Variants in EBF1 observed in about 807,000 individuals in gnomAD.
EBF1 encodes transcription factor COE1.
Under a neutral mutation model 68.4 loss-of-function variants are expected in EBF1, and 10 were observed. The ratio of observed to expected loss-of-function variants is 0.15; its 90% CI spans 0.09 to 0.25. The LOEUF is 0.25. EBF1 is among the 10% of genes least tolerant of loss of function. The pLI is 1.00. For synonymous variants in EBF1, 298 were observed against 299.8 expected (o/e 0.99, Z 0.06); for missense variants, 509 against 794.4 (o/e 0.64, Z 4.32).
intron 6 of EBF1, among the ~76,000 whole-genome samples, chr5:158,842,346 G>A (rs1285677548): frequency 6.6e-6 from 1 of 152,156 alleles, no homozygotes; most frequent in East Asian, 1.9e-4. Flanking sequence ...TATATCCATA[G>A]ACACTGAAGA....
intron 6 of EBF1, among the ~76,000 whole-genome samples, chr5:158,887,857 G>A (rs1029248134): frequency 1.3e-5 from 2 of 152,146 alleles, no homozygotes; most frequent in African/African-American, 2.4e-5. Context: ...TTCAAAGAGT[G>A]GGGGGAAAAG....
intron 6 of EBF1, among the ~76,000 whole-genome samples, chr5:159,017,008 C>T (rs112155416): frequency 5.3e-5 from 8 of 152,242 alleles, no homozygotes; most frequent in African/African-American, 1.2e-4. Context: ...GTTCTGATTG[C>T]CACATTTTAA....
intron 6 of EBF1, among the ~76,000 whole-genome samples, chr5:158,905,363 T>C (rs1266581109): frequency 1.3e-5 from 2 of 152,146 alleles, no homozygotes; most frequent in African/African-American, 4.8e-5. Flanking sequence ...ATTGGGAAAT[T>C]AAAGGGCCTT....
intron 6 of EBF1, among the ~76,000 whole-genome samples, chr5:158,868,674 A>C (rs111294500): frequency 6.6e-6 from 1 of 152,222 alleles, no homozygotes. Context: ...GGTGTGCAAC[A>C]GTACAGACTA....
chr5:159,047,127 G>A (rs1200171212), intron 6 of EBF1, among the ~76,000 whole-genome samples: 1 of 152,218 alleles, frequency 6.6e-6, no homozygotes, highest in Non-Finnish European at 1.5e-5. Flanking sequence ...GCTGCATGGG[G>A]CTTAGAGCAT....
intron 5 of EBF1, 171 bp from the exon 6 acceptor site, chr5:159,073,635 T>TTAATGG: frequency 3.0e-6 from 2 of 667,016 alleles, no homozygotes; most frequent in Non-Finnish European, 5.2e-6. Flanking sequence ...CACCTATGGG[T>TTAATGG]TAATGGCCAG....
At chr5:158,916,135 C>T (rs1355303057) in intron 6 of EBF1, among the ~76,000 whole-genome samples, 2 of 152,156 alleles carry the variant, frequency 1.3e-5, no homozygotes, top group African/African-American at 2.4e-5. Context: ...TCTTAATCCT[C>T]CTGAACCTAC....
intron 6 of EBF1, among the ~76,000 whole-genome samples, chr5:159,015,261 C>A (rs1481038034): frequency 5.3e-5 from 8 of 152,116 alleles, no homozygotes; most frequent in Non-Finnish European, 1.5e-5. Context: ...TATCATAAAC[C>A]CTCAATGTCA....
chr5:158,865,772 T>G (rs1795764487), intron 6 of EBF1, among the ~76,000 whole-genome samples: 1 of 152,122 alleles, frequency 6.6e-6, no homozygotes, highest in East Asian at 1.9e-4. Flanking sequence ...AATAAAGAAC[T>G]AAACCATAAA....
intron 10 of EBF1, among the ~76,000 whole-genome samples, chr5:158,768,612 A>G (rs1369863337): frequency 3.3e-5 from 5 of 152,238 alleles, no homozygotes; most frequent in Non-Finnish European, 4.4e-5. Context: ...AGAATGAAAA[A>G]CAAAAGTGAA....
At chr5:158,937,088 C>T (rs1377745912) in intron 6 of EBF1, among the ~76,000 whole-genome samples, 4 of 151,258 alleles carry the variant, frequency 2.6e-5, no homozygotes, top group African/African-American at 9.7e-5. Flanking sequence ...CATGCTTCCT[C>T]TGCCCTCAAT....
chr5:158,902,071 C>T (rs943409517), intron 6 of EBF1, among the ~76,000 whole-genome samples: 6 of 152,038 alleles, frequency 3.9e-5, no homozygotes, highest in Non-Finnish European at 7.4e-5. Flanking sequence ...AGCCTGGGCA[C>T]GACAGAGCAA....
chr5:158,696,468 C>T lies in EBF1; in HGVS notation c.*2643G>A, dbSNP rs767000107. On this transcript the variant is annotated 3_prime_UTR_variant, in exon 16 of 16. Transcript: ENST00000313708. ...CTGTTGTCAAGGTCTAAGCCGGACA[C>T]CTTCCCGGCTGACCGTTCATTCCTT... 1.8e-5 allele frequency: 4 copies of T among 222,958 alleles called. No individual in the cohort carries two copies. The highest frequency in any genetic ancestry group is 3.6e-5 in the Non-Finnish European group (4 of 111,626). 13.8% of individuals were successfully genotyped at this position (222,958 alleles called of 1,614,324 possible).
intron 6 of EBF1, among the ~76,000 whole-genome samples, chr5:158,890,503 C>A (rs2128107020): frequency 6.6e-6 from 1 of 152,296 alleles, no homozygotes; most frequent in Middle Eastern, 3.4e-3. Flanking sequence ...CCTGTCTGAA[C>A]CATGGGACTC....
chr5:159,035,693 C>A (rs1441965112), intron 6 of EBF1, among the ~76,000 whole-genome samples: 1 of 152,204 alleles, frequency 6.6e-6, no homozygotes, highest in Non-Finnish European at 1.5e-5. Context: ...CTGACATTAT[C>A]ATTTTTATCA....
chr5:159,039,505 G>T (rs1177457719), intron 6 of EBF1, among the ~76,000 whole-genome samples: 1 of 151,948 alleles, frequency 6.6e-6, no homozygotes, highest in Non-Finnish European at 1.5e-5. Context: ...ATTTTCACAG[G>T]GCCTAAATAT....
At chr5:158,953,670 CTTAA>C (rs1215168149) in intron 6 of EBF1, among the ~76,000 whole-genome samples, 1 of 152,092 alleles carries the variant, frequency 6.6e-6, no homozygotes, top group Admixed American at 6.6e-5. Flanking sequence ...CATCTTTTTC[CTTAA>C]TTAATCTGCT....
chr5:158,904,104 C>A (rs751405265), intron 6 of EBF1, among the ~76,000 whole-genome samples: 3 of 152,206 alleles, frequency 2.0e-5, no homozygotes, highest in African/African-American at 7.2e-5. Flanking sequence ...TGGTGCCACA[C>A]CACCAAAGCA....
At chr5:159,044,122 A>G (rs1158907638) in intron 6 of EBF1, among the ~76,000 whole-genome samples, 1 of 152,222 alleles carries the variant, frequency 6.6e-6, no homozygotes, top group Non-Finnish European at 1.5e-5. Flanking sequence ...TATTATATCT[A>G]AAAATGATGT....
Sources: allele counts gnomAD v4.1 joint callset (sites outside exome capture counted in the v4.1 genomes callset), GRCh38; gene constraint gnomAD v4.1.1; transcripts MANE v1.5; gene names NCBI Gene and HGNC (gene_info 2026-07-23, HGNC 2026-07-21).